Variants in ADIPOR2 observed in about 807,000 individuals in gnomAD.
The protein encoded by ADIPOR2 is adiponectin receptor 2.
A neutral mutation model predicts 40.9 loss-of-function variants in ADIPOR2; 18 were observed. The observed-to-expected ratio is 0.44, with a 90% CI of 0.30 to 0.65. The LOEUF (loss-of-function observed/expected upper bound fraction) is 0.65. ADIPOR2 is among the 30% of genes least tolerant of loss of function. The pLI, the probability that ADIPOR2 is intolerant of heterozygous loss-of-function variation, is 0.09. For missense variants in ADIPOR2, 283 were observed against 479.2 expected (o/e 0.59, Z 3.82); for synonymous variants, 165 against 166.4 (o/e 0.99, Z 0.06).
At chr12:1,746,625 G>T (rs2094755615) in intron 1 of ADIPOR2, among the ~76,000 whole-genome samples, 1 of 152,036 alleles carries the variant, frequency 6.6e-6, no homozygotes, top group Non-Finnish European at 1.5e-5. Flanking sequence ...ATAACCTGAA[G>T]CAAATATTGA....
intron 6 of ADIPOR2, among the ~76,000 whole-genome samples, chr12:1,782,377 G>A (rs968875168): frequency 7.2e-5 from 11 of 152,314 alleles, no homozygotes; most frequent in Admixed American, 6.5e-5. Flanking sequence ...CTTACCAAAT[G>A]ACAGCTTGTT....
chr12:1,704,096 G>A (rs1465171976), intron 1 of ADIPOR2, among the ~76,000 whole-genome samples: 1 of 144,258 alleles, frequency 6.9e-6, no homozygotes, highest in African/African-American at 2.6e-5. Context: ...ATGTGAGGCA[G>A]GGATCAAATT....
chr12:1,728,568 C>CA (rs2094712749), intron 1 of ADIPOR2, among the ~76,000 whole-genome samples: 1 of 150,692 alleles, frequency 6.6e-6, no homozygotes. Context: ...ACTAAAGATA[C>CA]AAAAAATTAG....
intron 1 of ADIPOR2, among the ~76,000 whole-genome samples, chr12:1,702,021 C>T (rs1176341709): frequency 1.3e-5 from 2 of 152,078 alleles, no homozygotes; most frequent in East Asian, 1.9e-4. Context: ...ACTCAGGAGG[C>T]TGAGGCAGGA....
chr12:1,778,162 T>C, intron 4 of ADIPOR2, 137 bp downstream of exon 4: 1 of 1,034,894 alleles, frequency 9.7e-7, no homozygotes. Context: ...AATGATGAAT[T>C]TTCTGACTGG....
At chr12:1,718,971 G>C (rs1416747348) in intron 1 of ADIPOR2, among the ~76,000 whole-genome samples, 1 of 152,166 alleles carries the variant, frequency 6.6e-6, no homozygotes, top group Non-Finnish European at 1.5e-5. Flanking sequence ...GAAATAAACT[G>C]CTGTTTGATT....
intron 6 of ADIPOR2, among the ~76,000 whole-genome samples, chr12:1,782,143 C>T (rs1231076922): frequency 1.3e-5 from 2 of 152,206 alleles, no homozygotes; most frequent in Non-Finnish European, 2.9e-5. Flanking sequence ...AAAAGTCTAG[C>T]AAATCTTTCC....
chr12:1,784,050 T>C lies in ADIPOR2; in HGVS notation c.1009T>C (p.Phe337Leu). The change falls in exon 7 of 8, where the codon TTC becomes CTC. Residue 337 changes from phenylalanine to leucine, a missense_variant. Physicochemically the swap from Phe to Leu is conservative, Grantham distance 22. Coordinates refer to ENST00000357103, the MANE Select transcript of ADIPOR2 (RefSeq NM_024551.3). Reference protein sequence around the residue: ...LYAARIPERFFPGKCDIWFHS... With the variant: ...LYAARIPERFLPGKCDIWFHS... ...TGCTGCCCGGATCCCCGAACGCTTT[T>C]TCCCTGGCAAATGTGACATCTGGGT... 1 of 1,600,134 alleles carries C rather than the reference T, an allele frequency of 6.2e-7. No individual in the cohort carries two copies. The highest frequency in any genetic ancestry group is 8.5e-7 in the Non-Finnish European group (1 of 1,172,068).
At chr12:1,715,049 G>C (rs143262564) in intron 1 of ADIPOR2, among the ~76,000 whole-genome samples, 2 of 152,108 alleles carry the variant, frequency 1.3e-5, no homozygotes, top group Admixed American at 6.5e-5. Flanking sequence ...TGGTCCTTTG[G>C]AGATTTCTTT....
intron 1 of ADIPOR2, among the ~76,000 whole-genome samples, chr12:1,703,742 T>G (rs1409564873): frequency 6.6e-6 from 1 of 151,908 alleles, no homozygotes; most frequent in Non-Finnish European, 1.5e-5. Context: ...AATAAATAAA[T>G]AAATGGGAGA....
intron 1 of ADIPOR2, among the ~76,000 whole-genome samples, chr12:1,703,223 A>T (rs1423313166): frequency 6.6e-6 from 1 of 152,236 alleles, no homozygotes; most frequent in Non-Finnish European, 1.5e-5. Flanking sequence ...CCTACTATAT[A>T]CTAGTTAAGT....
intron 2 of ADIPOR2, among the ~76,000 whole-genome samples, chr12:1,761,766 T>C (rs956204505): frequency 1.3e-5 from 2 of 152,234 alleles, no homozygotes; most frequent in Admixed American, 1.3e-4. Flanking sequence ...TACTTTAATC[T>C]AAGCCACCAC....
chr12:1,722,508 C>T (rs765081213), intron 1 of ADIPOR2, among the ~76,000 whole-genome samples: 1 of 152,044 alleles, frequency 6.6e-6, no homozygotes, highest in African/African-American at 2.4e-5. Flanking sequence ...GGTAAGTGAC[C>T]TTGACAAGTG....
At chr12:1,762,120 C>G (rs75254717) in intron 2 of ADIPOR2, among the ~76,000 whole-genome samples, 10 of 152,162 alleles carry the variant, frequency 6.6e-5, no homozygotes, top group Admixed American at 5.9e-4. Flanking sequence ...ATGGCTCTTT[C>G]CTCTGCCTGG....
intron 2 of ADIPOR2, among the ~76,000 whole-genome samples, chr12:1,768,527 A>G (rs1247388583): frequency 1.3e-5 from 2 of 152,126 alleles, no homozygotes; most frequent in Non-Finnish European, 2.9e-5. Context: ...ACTATGTTTT[A>G]TTCATCTTAT....
chr12:1,724,429 G>T (rs566708014), intron 1 of ADIPOR2, among the ~76,000 whole-genome samples: 1 of 152,092 alleles, frequency 6.6e-6, no homozygotes, highest in Non-Finnish European at 1.5e-5. Context: ...CTTTAATGAG[G>T]TACTTAGAGT....
chr12:1,711,620 CT>C (rs1555166439), intron 1 of ADIPOR2, among the ~76,000 whole-genome samples: 1 of 2,276 alleles, frequency 4.4e-4, no homozygotes, highest in Non-Finnish European at 1.8e-3. Context: ...CTTCCTCTCT[CT>C]CTCTCTCTCT....
At chr12:1,746,070 A>G (rs1294206986) in intron 1 of ADIPOR2, among the ~76,000 whole-genome samples, 1 of 152,204 alleles carries the variant, frequency 6.6e-6, no homozygotes, top group East Asian at 1.9e-4. Flanking sequence ...AAAAAATGAC[A>G]TGATCTAAAA....
chr12:1,714,118 G>A (rs1032151153), intron 1 of ADIPOR2, among the ~76,000 whole-genome samples: 34 of 152,206 alleles, frequency 2.2e-4, no homozygotes, highest in Non-Finnish European at 1.9e-4. Context: ...GGGCGAGGGG[G>A]CAGCTTGTTT....
Sources: allele counts gnomAD v4.1 joint callset (sites outside exome capture counted in the v4.1 genomes callset), GRCh38; gene constraint gnomAD v4.1.1; transcripts MANE v1.5; gene names NCBI Gene and HGNC (gene_info 2026-07-23, HGNC 2026-07-21).